RABGAP1L: variants seen among roughly 807,000 people sequenced by gnomAD.
RABGAP1L encodes the protein RAB GTPase activating protein 1 like, also known as rab GTPase-activating protein 1-like.
RABGAP1L carries 63 observed loss-of-function variants against 137.7 expected under a neutral mutation model. The observed-to-expected ratio is 0.46, with a 90% confidence interval of 0.37 to 0.56. The LOEUF is 0.56. Ranked by LOEUF, RABGAP1L falls within the 20% of genes least tolerant of loss-of-function variation. RABGAP1L has a pLI of 0.00. For synonymous variants in RABGAP1L, 431 were observed against 433.7 expected (o/e 0.99, Z 0.08); for missense variants, 1,095 against 1,244.0 (o/e 0.88, Z 1.80).
At chr1:174,436,077 C>T (rs933006356) in intron 13 of RABGAP1L, among the ~76,000 whole-genome samples, 12 of 152,092 alleles carry the variant, frequency 7.9e-5, no homozygotes, top group African/African-American at 2.9e-4. Context: ...TGGGTTGGTT[C>T]CAAGTCTTTG....
chr1:174,359,299 T>C (rs574959262), intron 11 of RABGAP1L, among the ~76,000 whole-genome samples: 1 of 152,214 alleles, frequency 6.6e-6, no homozygotes, highest in Non-Finnish European at 1.5e-5. Context: ...ACTTGTCTTA[T>C]CTGCTACAGT....
intron 7 of RABGAP1L, among the ~76,000 whole-genome samples, chr1:174,269,292 A>G (rs970039541): frequency 6.6e-6 from 1 of 152,246 alleles, no homozygotes; most frequent in African/African-American, 2.4e-5. Context: ...CGTAATGAAC[A>G]TGAAAGCAAG....
At position 174,993,392 on chromosome 1, in the gene RABGAP1L, T is replaced by C. The variant is rs1016473790; in HGVS notation, c.*3391T>C. The C allele has an allele frequency of 6.6e-6, 1 of 150,740 alleles. No individual in the cohort carries two copies. The highest frequency in any genetic ancestry group is 2.5e-5 in the African/African-American group (1 of 39,998). The allele number at this position is 150,740 out of a possible 1,614,324, so 9.3% of individuals were successfully genotyped here. On this transcript the variant is annotated 3_prime_UTR_variant, in exon 26 of 26. Coordinates refer to ENST00000681986, the MANE Select transcript of RABGAP1L (RefSeq NM_001366446.1). The stretch of plus-strand genomic sequence containing the variant: ...ATGTGGGGATATTTAATAGTATGTA[T>C]CTTGTTTCATTTTTTTCCTATGATG...
At position 174,926,755 on chromosome 1, in the gene RABGAP1L, G is replaced by A. The variant is rs117713073; in HGVS notation, c.2341-30702G>A. On this transcript the variant is annotated intron_variant, in intron 19 of 25. Coordinates refer to ENST00000681986, the MANE Select transcript of RABGAP1L (RefSeq NM_001366446.1). ...CTTTATATTTATTACATCATCTTACGGCATCAACAGTAACTTCTCTGTTAA... is the reference window on the plus strand; with the variant it reads ...CTTTATATTTATTACATCATCTTACAGCATCAACAGTAACTTCTCTGTTAA... Among the ~76,000 whole-genome samples, 137 of 151,548 alleles carry A rather than the reference G, an allele frequency of 9.0e-4. No individual in the cohort carries two copies. The East Asian group carries it at 0.023, about 25-fold the overall frequency.
intron 10 of RABGAP1L, among the ~76,000 whole-genome samples, chr1:174,286,834 A>G (rs1488262160): frequency 6.6e-6 from 1 of 152,048 alleles, no homozygotes; most frequent in East Asian, 1.9e-4. Flanking sequence ...GTTTCTATAT[A>G]TCTGAATTTT....
At chr1:174,474,164 A>T (rs1658244445) in intron 13 of RABGAP1L, among the ~76,000 whole-genome samples, 1 of 152,220 alleles carries the variant, frequency 6.6e-6, no homozygotes, top group Non-Finnish European at 1.5e-5. Context: ...ATTAAAATGA[A>T]TAAATTTATT....
intron 13 of RABGAP1L, among the ~76,000 whole-genome samples, chr1:174,446,083 C>T (rs1362076287): frequency 6.6e-6 from 1 of 152,094 alleles, no homozygotes; most frequent in Non-Finnish European, 1.5e-5. Context: ...CTGCATCAGC[C>T]CAGGATGAGG....
At chr1:174,354,866 A>G (rs1013721779) in intron 11 of RABGAP1L, among the ~76,000 whole-genome samples, 2 of 152,170 alleles carry the variant, frequency 1.3e-5, no homozygotes, top group African/African-American at 2.4e-5. Flanking sequence ...TCCAGTTTCA[A>G]CTTTCTACAT....
At chr1:174,269,059 A>T (rs1330476007) in intron 7 of RABGAP1L, among the ~76,000 whole-genome samples, 1 of 151,790 alleles carries the variant, frequency 6.6e-6, no homozygotes, top group East Asian at 1.9e-4. Context: ...TCTCTCGTCT[A>T]AGCCTCCCGA....
intron 12 of RABGAP1L, among the ~76,000 whole-genome samples, chr1:174,380,206 A>T (rs1321255616): frequency 4.6e-5 from 7 of 151,600 alleles, no homozygotes; most frequent in African/African-American, 1.7e-4. Flanking sequence ...TTTATTGAGG[A>T]TTTTTGCATC....
intron 20 of RABGAP1L, among the ~76,000 whole-genome samples, chr1:174,962,393 A>C (rs1669233590): frequency 6.6e-6 from 1 of 152,172 alleles, no homozygotes; most frequent in South Asian, 2.1e-4. Flanking sequence ...AGTACAATTA[A>C]ATTTAGAATG....
At chr1:174,707,042 C>T (rs1014224101) in intron 17 of RABGAP1L, among the ~76,000 whole-genome samples, 1 of 152,112 alleles carries the variant, frequency 6.6e-6, no homozygotes, top group Non-Finnish European at 1.5e-5. Flanking sequence ...TTTTAGTTAA[C>T]GTACCTATGC....
At chr1:174,476,671 A>T (rs1305324721) in intron 13 of RABGAP1L, among the ~76,000 whole-genome samples, 1 of 152,302 alleles carries the variant, frequency 6.6e-6, no homozygotes, top group East Asian at 1.9e-4. Flanking sequence ...GAAGGATTTG[A>T]CAAGTTAATT....
chr1:174,267,948 G>A (rs922868558), intron 7 of RABGAP1L, among the ~76,000 whole-genome samples: 1 of 152,136 alleles, frequency 6.6e-6, no homozygotes, highest in Non-Finnish European at 1.5e-5. Flanking sequence ...ACTGTACATA[G>A]TGACAAATGC....
At chr1:174,167,353 A>C (rs2148210969) in intron 1 of RABGAP1L, among the ~76,000 whole-genome samples, 1 of 152,322 alleles carries the variant, frequency 6.6e-6, no homozygotes, top group Admixed American at 6.5e-5. Context: ...AACATTTGTA[A>C]AGATATACAC....
intron 13 of RABGAP1L, among the ~76,000 whole-genome samples, chr1:174,568,812 A>T (rs1007648071): frequency 6.6e-6 from 1 of 152,246 alleles, no homozygotes; most frequent in Admixed American, 6.5e-5. Flanking sequence ...TGTTTACACT[A>T]TGCAGATAAT....
intron 18 of RABGAP1L, among the ~76,000 whole-genome samples, chr1:174,789,318 A>G (rs1054288317): frequency 1.3e-5 from 2 of 152,144 alleles, no homozygotes; most frequent in African/African-American, 4.8e-5. Context: ...AACCAGGTAG[A>G]CCAATTTAGT....
At chr1:174,872,776 A>T (rs182923951) in intron 19 of RABGAP1L, among the ~76,000 whole-genome samples, 16 of 152,134 alleles carry the variant, frequency 1.1e-4, no homozygotes, top group African/African-American at 3.6e-4. Flanking sequence ...ACTGGGCTCA[A>T]GCAGTCCTCC....
intron 8 of RABGAP1L, among the ~76,000 whole-genome samples, chr1:174,273,384 C>T (rs994660293): frequency 6.6e-6 from 1 of 151,914 alleles, no homozygotes; most frequent in Non-Finnish European, 1.5e-5. Context: ...TAGCTCTTAC[C>T]ATCTGTGGGT....
Sources: allele counts gnomAD v4.1 joint callset (sites outside exome capture counted in the v4.1 genomes callset), GRCh38; gene constraint gnomAD v4.1.1; transcripts MANE v1.5; gene names NCBI Gene and HGNC (gene_info 2026-07-23, HGNC 2026-07-21).